Variants in CPQ observed in about 807,000 individuals in gnomAD.
The protein encoded by CPQ is Ser-Met dipeptidase.
In CPQ, 37 loss-of-function variants were observed where a neutral mutation model predicts 45.7. The observed-to-expected ratio is 0.81, with a 90% CI of 0.62 to 1.07. The LOEUF (loss-of-function observed/expected upper bound fraction) is 1.07. Ranked by LOEUF, CPQ falls within the 50% of genes least tolerant of loss-of-function variation. The probability of loss-of-function intolerance (pLI) is 0.00; values close to 1 mark genes in which losing one functional copy is unlikely to be tolerated. For synonymous variants in CPQ, 186 were observed against 205.8 expected (o/e 0.90, Z 0.82); for missense variants, 537 against 572.9 (o/e 0.94, Z 0.64).
chr8:96,856,216 G>T (rs77241110), intron 3 of CPQ, among the ~76,000 whole-genome samples: 2,393 of 152,288 alleles, frequency 0.016, 36 homozygotes, highest in Non-Finnish European at 0.019. Flanking sequence ...CACAGATTGT[G>T]TGGAGCAGGA....
At chr8:97,064,942 C>A (rs978238915) in intron 6 of CPQ, among the ~76,000 whole-genome samples, 3 of 152,150 alleles carry the variant, frequency 2.0e-5, no homozygotes, top group Non-Finnish European at 2.9e-5. Flanking sequence ...TTGTCAGATC[C>A]TTTCCTATAA....
chr8:96,649,116 C>T (rs1815550226), intron 1 of CPQ, among the ~76,000 whole-genome samples: 1 of 152,238 alleles, frequency 6.6e-6, no homozygotes, highest in Non-Finnish European at 1.5e-5. Flanking sequence ...GCTGGGACTA[C>T]AGGCACACAC....
At chr8:96,831,475 A>G (rs922689392) in intron 2 of CPQ, among the ~76,000 whole-genome samples, 2 of 152,128 alleles carry the variant, frequency 1.3e-5, no homozygotes, top group Admixed American at 1.3e-4. Flanking sequence ...ATCTTTTGGA[A>G]TGGGAGGATG....
intron 1 of CPQ, among the ~76,000 whole-genome samples, chr8:96,755,285 A>C (rs1289930844): frequency 6.6e-6 from 1 of 152,010 alleles, no homozygotes; most frequent in Non-Finnish European, 1.5e-5. Context: ...GGAGGTAACC[A>C]CAATTATGAT....
At position 96,832,145 on chromosome 8, in the gene CPQ, C is replaced by T. The variant is rs541899408; in HGVS notation, c.434-2828C>T. Among the ~76,000 whole-genome samples, 2 of 152,136 alleles carry T rather than the reference C, an allele frequency of 1.3e-5. 1 individual carries two copies. The highest frequency in any genetic ancestry group is 4.1e-4 in the South Asian group (2 of 4,820). ...TTCTCATAGCTGATAGGTTTAAATG[C>T]CAGATGTAGAATTTTGTGTAAAGTA... is the stretch of plus-strand genomic sequence containing the variant. On this transcript the variant is annotated intron_variant, in intron 2 of 7. Coordinates refer to ENST00000220763, the MANE Select transcript of CPQ (RefSeq NM_016134.4).
intron 4 of CPQ, among the ~76,000 whole-genome samples, chr8:96,898,000 A>T (rs933455690): frequency 1.3e-5 from 2 of 152,190 alleles, no homozygotes. Context: ...TCTAGGGCAG[A>T]GTAGGGGAAA....
At chr8:97,089,097 G>T (rs770494254) in intron 7 of CPQ, among the ~76,000 whole-genome samples, 13 of 151,916 alleles carry the variant, frequency 8.6e-5, no homozygotes, top group Non-Finnish European at 1.5e-4. Context: ...TACAAAATTA[G>T]CCAGGTGTGG....
At chr8:96,930,028 C>T (rs1045932342) in intron 4 of CPQ, among the ~76,000 whole-genome samples, 4 of 151,982 alleles carry the variant, frequency 2.6e-5, no homozygotes, top group African/African-American at 7.2e-5. Flanking sequence ...CTGAACTTCT[C>T]GGTTAGAAGA....
intron 6 of CPQ, among the ~76,000 whole-genome samples, chr8:97,030,962 T>C (rs1467331178): frequency 6.6e-6 from 1 of 151,742 alleles, no homozygotes; most frequent in Admixed American, 6.6e-5. Flanking sequence ...ACCAGAGAAA[T>C]GGAAAGGAAT....
chr8:96,866,879 C>T (rs1812002979), intron 3 of CPQ, among the ~76,000 whole-genome samples: 1 of 152,100 alleles, frequency 6.6e-6, no homozygotes, highest in Non-Finnish European at 1.5e-5. Flanking sequence ...CTTAGGAACA[C>T]ACTATCCAGA....
chr8:97,141,387 A>G (rs558908153), intron 7 of CPQ, among the ~76,000 whole-genome samples: 133 of 152,270 alleles, frequency 8.7e-4, no homozygotes, highest in African/African-American at 3.0e-3. Flanking sequence ...AGAACTTCAC[A>G]AAAGAGAAAA....
intron 4 of CPQ, among the ~76,000 whole-genome samples, chr8:96,934,180 T>G: frequency 6.6e-6 from 1 of 152,172 alleles, no homozygotes; most frequent in East Asian, 1.9e-4. Flanking sequence ...ATGTCTGGCA[T>G]TCTCTGGAGT....
chr8:97,125,209 C>T (rs1263915820), intron 7 of CPQ, among the ~76,000 whole-genome samples: 1 of 151,980 alleles, frequency 6.6e-6, no homozygotes, highest in Non-Finnish European at 1.5e-5. Flanking sequence ...AATAAAAAAC[C>T]TAAATACTCC....
At chr8:96,974,811 A>T (rs538666725) in intron 5 of CPQ, among the ~76,000 whole-genome samples, 152 of 152,258 alleles carry the variant, frequency 1.0e-3, no homozygotes, top group African/African-American at 3.6e-3. Context: ...AATTTTTTGA[A>T]CTGAATAATA....
At chr8:96,882,259 T>G (rs1383090308) in intron 4 of CPQ, among the ~76,000 whole-genome samples, 1 of 152,210 alleles carries the variant, frequency 6.6e-6, no homozygotes, top group Non-Finnish European at 1.5e-5. Flanking sequence ...CTCAGTAGAA[T>G]CACAGGGAGT....
At chr8:96,934,023 A>T (rs1208699304) in intron 4 of CPQ, among the ~76,000 whole-genome samples, 2 of 152,230 alleles carry the variant, frequency 1.3e-5, no homozygotes, top group African/African-American at 4.8e-5. Context: ...GGCATTCAGT[A>T]AGAGGTGAAA....
chr8:97,043,119 C>G (rs1214384307), intron 6 of CPQ, among the ~76,000 whole-genome samples: 11 of 152,100 alleles, frequency 7.2e-5, no homozygotes, highest in Admixed American at 7.2e-4. Context: ...GTGTGGGAGT[C>G]TAAGTCTCTT....
intron 3 of CPQ, among the ~76,000 whole-genome samples, chr8:96,847,279 C>T (rs929716973): frequency 2.6e-5 from 4 of 152,112 alleles, no homozygotes. Flanking sequence ...CGTTGATGAC[C>T]CCTGCCTGAA....
intron 4 of CPQ, among the ~76,000 whole-genome samples, chr8:96,940,304 T>C (rs533972570): frequency 6.6e-6 from 1 of 152,196 alleles, no homozygotes; most frequent in South Asian, 2.1e-4. Context: ...AGGTTAACAT[T>C]GCTACCATAT....
Sources: allele counts gnomAD v4.1 joint callset (sites outside exome capture counted in the v4.1 genomes callset), GRCh38; gene constraint gnomAD v4.1.1; transcripts MANE v1.5; gene names NCBI Gene and HGNC (gene_info 2026-07-23, HGNC 2026-07-21).